The following GOLGB1 variants were observed in gnomAD, a reference collection of about 807,000 sequenced individuals.
GOLGB1 encodes golgin subfamily B member 1.
GOLGB1 carries 174 observed loss-of-function variants against 336.9 expected under a neutral mutation model. That is an observed-to-expected ratio of 0.52 (90% CI 0.46 to 0.59). The LOEUF (loss-of-function observed/expected upper bound fraction) is 0.59. GOLGB1 is among the 20% of genes least tolerant of loss of function. GOLGB1 has a pLI of 0.00. For missense variants in GOLGB1, 3,331 were observed against 3,645.3 expected (o/e 0.91, Z 2.22); for synonymous variants, 1,208 against 1,289.2 (o/e 0.94, Z 1.35).
intron 8 of GOLGB1, among the ~76,000 whole-genome samples, chr3:121,718,065 T>C (rs2108136750): frequency 6.6e-6 from 1 of 152,322 alleles, no homozygotes; most frequent in Non-Finnish European, 1.5e-5. Context: ...TTTCAGATTT[T>C]GCAGCATTTT....
chr3:121,681,925 T>C, intron 14 of GOLGB1, 60 bp from the exon 15 acceptor site: 1 of 1,161,088 alleles, frequency 8.6e-7, no homozygotes, highest in Non-Finnish European at 1.3e-6. Context: ...TAACTGTAAG[T>C]CATTGGTAGC....
At chr3:121,668,659 C>T (rs899218356) in intron 18 of GOLGB1, among the ~76,000 whole-genome samples, 84 of 130,680 alleles carry the variant, frequency 6.4e-4, no homozygotes, top group Non-Finnish European at 6.3e-4. Flanking sequence ...GGCGACAGAG[C>T]GAGACTCCGT....
In GOLGB1 at chr3:121,692,504, A is replaced by G; in HGVS notation, c.6860T>C (p.Leu2287Pro). Residue 2287 changes from leucine (L) to proline (P), a missense_variant, in exon 14 of 22, where the codon CTA (leucine) becomes CCA (proline). Physicochemically the swap from Leu to Pro is moderately conservative, Grantham distance 98. Transcript: ENST00000614479. ...VQLQQKVCDT[L>P]QGENKELLSQ... Reference sequence around the variant, plus strand: ...CAAAAGTTCTTTGTTTTCCCCCTGTAGAGTATCACAGACCTTCTGCTGAAG... The same window carrying G: ...CAAAAGTTCTTTGTTTTCCCCCTGTGGAGTATCACAGACCTTCTGCTGAAG... 1 of 1,613,576 alleles carries G rather than the reference A, an allele frequency of 6.2e-7. No homozygotes were observed. The highest frequency in any genetic ancestry group is 8.5e-7 in the Non-Finnish European group (1 of 1,179,758).
At chr3:121,728,441 A>G (rs927312722) in intron 4 of GOLGB1, among the ~76,000 whole-genome samples, 8 of 152,248 alleles carry the variant, frequency 5.3e-5, no homozygotes, top group African/African-American at 9.6e-5. Flanking sequence ...GGCTCACTCT[A>G]TAACTACAGT....
rs1388367768 is a variant in GOLGB1, at chr3:121,664,487, T to A, written c.9788A>T (p.His3263Leu). ...HVLLILCFTG[H>L]L ...AAAGAGTAACAACTAAGTCTATAGA[T>A]GGCCCGTAAAACACAGAATGAGCAG... The change falls in exon 22 of 22, where the codon CAT becomes CTT. Residue 3263 changes from histidine to leucine, a missense_variant. By Grantham distance (99) the His-to-Leu change is moderately conservative (BLOSUM62 -3). Coordinates refer to ENST00000614479, the MANE Select transcript of GOLGB1 (RefSeq NM_001366282.2). 28 of 1,613,636 alleles carry A rather than the reference T, an allele frequency of 1.7e-5. No homozygotes were observed. The highest frequency in any genetic ancestry group is 2.3e-5 in the Non-Finnish European group (27 of 1,179,736).
intron 10 of GOLGB1, among the ~76,000 whole-genome samples, chr3:121,703,840 T>A (rs1405272829): frequency 6.6e-6 from 1 of 152,084 alleles, no homozygotes; most frequent in African/African-American, 2.4e-5. Flanking sequence ...GCAGATTTTG[T>A]AAGTAGCAAA....
chr3:121,742,748 C>A (rs574796690), intron 1 of GOLGB1, among the ~76,000 whole-genome samples: 3 of 152,186 alleles, frequency 2.0e-5, no homozygotes, highest in Admixed American at 1.3e-4. Context: ...CCAGAACCTA[C>A]AAAGAACTTA....
Position 121,694,747 on chromosome 3 carries a change from C to T in GOLGB1, c.5776G>A (p.Asp1926Asn), listed in dbSNP as rs1435553285. The T allele has an allele frequency of 1.2e-6, 2 of 1,612,502 alleles. No homozygotes were observed. The highest frequency in any genetic ancestry group is 1.3e-5 in the African/African-American group (1 of 74,918). ...LKETAEEEKD[D>N]LEERLMNQLA... ...TGATTCATAAGCCTCTCTTCCAAAT[C>T]ATCTTTCTCTTCTTCTGCTGTCTCC... The change falls in exon 13 of 22, where the codon GAT (aspartate) becomes AAT (asparagine). Residue 1926 changes from aspartate (D) to asparagine (N), a missense_variant. Asp to Asn is a conservative substitution (Grantham distance 23, BLOSUM62 1). Coordinates refer to ENST00000614479, the MANE Select transcript of GOLGB1 (RefSeq NM_001366282.2).
In GOLGB1 at chr3:121,686,700, C is replaced by T. The variant is rs549884870; in HGVS notation, c.8694+3970G>A. Among the ~76,000 whole-genome samples the T allele has an allele frequency of 3.3e-5, 5 of 151,796 alleles. No individual in the cohort carries two copies. The East Asian group carries it at 9.7e-4, about 29-fold the overall frequency. ...ACACACACAATAAGGCAATATGGGACAAATGATAAGTAAAATACTAGGGAA... is the reference window on the plus strand; with the variant it reads ...ACACACACAATAAGGCAATATGGGATAAATGATAAGTAAAATACTAGGGAA... On this transcript the variant is annotated intron_variant, in intron 14 of 21. Transcript: ENST00000614479.
rs751007022 is a variant in GOLGB1 at position 121,698,192 on chromosome 3, G to A, written c.2331C>T (p.Asn777=). The A allele has an allele frequency of 1.9e-6, 3 of 1,613,710 alleles. No individual in the cohort carries two copies. Among genetic ancestry groups the A allele is most frequent in the Non-Finnish European group, 2.5e-6 (3 of 1,179,934 alleles). Residue 777 remains asparagine (N), a synonymous_variant, in exon 13 of 22, where the codon AAC becomes AAT. Coordinates refer to ENST00000614479, the MANE Select transcript of GOLGB1 (RefSeq NM_001366282.2). ...LRAQVKQLEM[N]LAEAERQRRL... Reference sequence around the variant, plus strand: ...TTCTTTGCCTTTCTGCTTCTGCAAGGTTCATTTCCAGTTGCTTTACCTGAG... The same window carrying A: ...TTCTTTGCCTTTCTGCTTCTGCAAGATTCATTTCCAGTTGCTTTACCTGAG...
intron 4 of GOLGB1, among the ~76,000 whole-genome samples, chr3:121,727,312 ATATATATATTTTTTTTTTTTT>A (rs1945723874): frequency 2.8e-5 from 1 of 35,538 alleles, no homozygotes. Context: ...ATATATATAT[ATATATATATTTTTTTTTTTTT>A]TTTTTTTTTT....
At chr3:121,709,753 A>T (rs1944187096) in intron 10 of GOLGB1, among the ~76,000 whole-genome samples, 1 of 152,206 alleles carries the variant, frequency 6.6e-6, no homozygotes, top group African/African-American at 2.4e-5. Flanking sequence ...CACCTTAAGA[A>T]GCTATAAAAA....
intron 14 of GOLGB1, among the ~76,000 whole-genome samples, chr3:121,683,953 C>T (rs1045688254): frequency 2.0e-5 from 3 of 151,366 alleles, no homozygotes; most frequent in African/African-American, 7.3e-5. Context: ...CATGGTGAAA[C>T]CCTGTCTCTG....
At chr3:121,747,330 CGTATATAT>C (rs1398133111) in intron 1 of GOLGB1, among the ~76,000 whole-genome samples, 1 of 134,866 alleles carries the variant, frequency 7.4e-6, no homozygotes, top group Non-Finnish European at 1.6e-5. Flanking sequence ...TGTGTATATA[CGTATATAT>C]GTATATATAT....
chr3:121,664,869 G>C, intron 21 of GOLGB1, 57 bp downstream of exon 21: 2 of 1,075,806 alleles, frequency 1.9e-6, no homozygotes, highest in Non-Finnish European at 2.9e-6. Flanking sequence ...CTTGCCCCCA[G>C]TATAGCCAGC....
intron 8 of GOLGB1, among the ~76,000 whole-genome samples, 155 bp downstream of exon 8, chr3:121,718,233 T>TCCC (rs969474378): frequency 1.3e-5 from 2 of 152,184 alleles, no homozygotes; most frequent in Admixed American, 6.5e-5. Context: ...TTGTACTGCA[T>TCCC]CCCCACCACT....
intron 6 of GOLGB1, 96 bp downstream of exon 6, chr3:121,722,166 C>G (rs1945242014): frequency 1.4e-6 from 1 of 719,978 alleles, no homozygotes; most frequent in Admixed American, 2.1e-5. Flanking sequence ...ATACTTTTAT[C>G]TACTAGGATT....
intron 18 of GOLGB1, among the ~76,000 whole-genome samples, chr3:121,668,672 C>CAAA (rs138891151): frequency 7.5e-5 from 5 of 66,606 alleles, no homozygotes; most frequent in African/African-American, 1.9e-4. Context: ...GACTCCGTCT[C>CAAA]AAAAAAAAAA....
At chr3:121,704,050 G>A (rs1398981495) in intron 10 of GOLGB1, among the ~76,000 whole-genome samples, 3 of 151,626 alleles carry the variant, frequency 2.0e-5, no homozygotes, top group East Asian at 1.9e-4. Flanking sequence ...ATAGACGACA[G>A]AAGAAAGTCT....
Sources: gnomAD v4.1 joint callset for allele counts (sites outside exome capture counted in the v4.1 genomes callset) on GRCh38, gnomAD v4.1.1 for gene constraint, MANE v1.5 for transcripts, NCBI Gene and HGNC (gene_info 2026-07-23, HGNC 2026-07-21) for gene names.